The following CSN1S1 variants were observed in gnomAD, a reference collection of about 807,000 sequenced individuals.
CSN1S1 encodes alpha-S1-casein.
In CSN1S1, 63 loss-of-function variants were observed where a neutral mutation model predicts 49.1. That is an observed-to-expected ratio of 1.28 (90% CI 1.05 to 1.58). CSN1S1 has a LOEUF of 1.58. Among genes scored for constraint, CSN1S1 ranks in the 40% most tolerant of loss-of-function variants. The pLI is 0.00. For missense variants in CSN1S1, 260 were observed against 224.7 expected (o/e 1.16, Z -1.01); for synonymous variants, 78 against 67.1 (o/e 1.16, Z -0.79).
chr4:69,942,216 A>C (rs1722992378), intron 13 of CSN1S1, among the ~76,000 whole-genome samples, 153 bp downstream of exon 13: 1 of 151,952 alleles, frequency 6.6e-6, no homozygotes, highest in Non-Finnish European at 1.5e-5. Flanking sequence ...ACAAAAGACA[A>C]AATTTAAATA....
chr4:69,945,009 G>C lies in CSN1S1; in HGVS notation c.557+5G>C. 2.5e-6 allele frequency: 4 copies of C among 1,612,044 alleles called. No individual in the cohort carries two copies. The highest frequency in any genetic ancestry group is 2.2e-5 in the East Asian group (1 of 44,822). ...TAACGTCATGCTACAGTGGTGGTAA[G>C]TTCATTTAAATTACTACATCTTGAT... On this transcript the variant is annotated splice_donor_5th_base_variant and intron_variant, in intron 15 of 15. Transcript: ENST00000246891.
chr4:69,940,775 G>T (rs969252831), intron 11 of CSN1S1, among the ~76,000 whole-genome samples: 1 of 151,722 alleles, frequency 6.6e-6, no homozygotes, highest in South Asian at 2.1e-4. Context: ...AAAATTGGCT[G>T]TACTAATTTA....
chr4:69,931,929 T>G (rs1229940047), intron 1 of CSN1S1, among the ~76,000 whole-genome samples: 1 of 151,900 alleles, frequency 6.6e-6, no homozygotes, highest in African/African-American at 2.4e-5. Context: ...TCTTTATATA[T>G]TTATGTCATG....
At chr4:69,931,641 A>C (rs1722610505) in intron 1 of CSN1S1, among the ~76,000 whole-genome samples, 1 of 151,906 alleles carries the variant, frequency 6.6e-6, no homozygotes, top group Non-Finnish European at 1.5e-5. Flanking sequence ...AGACACAAAT[A>C]GTAAATTTAT....
At chr4:69,938,047 A>G (rs2291531) in intron 9 of CSN1S1, among the ~76,000 whole-genome samples, 1,647 of 151,990 alleles carry the variant, frequency 0.011, 18 homozygotes, top group East Asian at 0.038. Context: ...GTGCTAGATA[A>G]AGTTGAAATT....
chr4:69,935,954 G>C lies in CSN1S1; in HGVS notation c.129+5G>C, dbSNP rs539799242. ...ATACCATTAGAATCAAGAGAGGTAAGAATGACTCCACAGAATTTACCGTGC... is the reference window on the plus strand; with the variant it reads ...ATACCATTAGAATCAAGAGAGGTAACAATGACTCCACAGAATTTACCGTGC... On this transcript the variant is annotated splice_donor_5th_base_variant and intron_variant, in intron 5 of 15. Transcript: ENST00000246891. 1 of 1,539,184 alleles carries C rather than the reference G, an allele frequency of 6.5e-7. No homozygotes were observed. The highest frequency in any genetic ancestry group is 2.4e-5 in the East Asian group (1 of 41,054).
intron 9 of CSN1S1, 91 bp from the exon 10 acceptor site, chr4:69,939,084 TG>T: frequency 1.1e-6 from 1 of 870,528 alleles, no homozygotes; most frequent in Admixed American, 2.1e-5. Context: ...AATGTTACCA[TG>T]GTAAGCATTT....
At position 69,944,988 on chromosome 4, in the gene CSN1S1, G is replaced by A. The variant is rs375053260; in HGVS notation, c.541G>A (p.Val181Ile). Residue 181 changes from valine (V) to isoleucine (I), a missense_variant, in exon 15 of 16, where the codon GTC (valine) becomes ATC (isoleucine). By Grantham distance (29) the Val-to-Ile change is conservative. Transcript: ENST00000246891. The part of the protein sequence containing the change: ...TAHENYEKNN[V>I]MLQW The stretch of plus-strand genomic sequence containing the variant: ...TCATGAAAATTATGAAAAAAATAAC[G>A]TCATGCTACAGTGGTGGTAAGTTCA... 4.8e-5 allele frequency: 78 copies of A among 1,612,480 alleles called. No individual in the cohort carries two copies. The highest frequency in any genetic ancestry group is 6.3e-5 in the Non-Finnish European group (74 of 1,179,056).
chr4:69,940,050 A>G lies in CSN1S1; in HGVS notation c.300+6A>G, dbSNP rs919002585. On this transcript the variant is annotated splice_donor_region_variant and intron_variant, in intron 11 of 15. Coordinates refer to ENST00000246891, the MANE Select transcript of CSN1S1 (RefSeq NM_001890.2). ...TGTCTCTCAGTAAGTGTGCGGTAAGACATATTTGCTAAATTTAAAATATAT... is the reference window on the plus strand; with the variant it reads ...TGTCTCTCAGTAAGTGTGCGGTAAGGCATATTTGCTAAATTTAAAATATAT... 2 of 1,368,290 alleles carry G rather than the reference A, an allele frequency of 1.5e-6. No individual in the cohort carries two copies. Among genetic ancestry groups the G allele is most frequent in the Non-Finnish European group, 2.0e-6 (2 of 1,013,104 alleles). The allele number at this position is 1,368,290 out of a possible 1,614,324, so 84.8% of individuals were successfully genotyped here.
At chr4:69,936,372 T>C in intron 5 of CSN1S1, 84 bp from the exon 6 acceptor site, 1 of 1,004,484 alleles carries the variant, frequency 1.0e-6, no homozygotes. Flanking sequence ...ATCAGCACGA[T>C]GTGAAGTACA....
intron 14 of CSN1S1, among the ~76,000 whole-genome samples, chr4:69,943,548 T>C (rs1423101012): frequency 1.3e-5 from 2 of 151,982 alleles, no homozygotes; most frequent in African/African-American, 4.8e-5. Flanking sequence ...GGGTTTGGAG[T>C]AGCAATAATT....
chr4:69,944,570 T>G (rs1723089711), intron 14 of CSN1S1, among the ~76,000 whole-genome samples: 1 of 151,976 alleles, frequency 6.6e-6, no homozygotes, highest in Non-Finnish European at 1.5e-5. Context: ...TAAGTGGACC[T>G]GTGAGTAATG....
At position 69,944,976 on chromosome 4, in the gene CSN1S1, GA is replaced by G. The variant is rs1723113609; in HGVS notation, c.536del (p.Asn179IlefsTer16). 2 of 1,612,386 alleles carry G rather than the reference GA, an allele frequency of 1.2e-6. No homozygotes were observed. Among genetic ancestry groups the G allele is most frequent in the Non-Finnish European group, 1.7e-6 (2 of 1,179,056 alleles). The part of the protein sequence containing the change: ...ISNPTAHENY[E>X]KNNVMLQW ...CAATCCCACTGCTCATGAAAATTAT[GA>G]AAAAAATAACGTCATGCTACAGTGG... On this transcript the variant is annotated frameshift_variant, in exon 15 of 16. Transcript: ENST00000246891. LOFTEE classifies it high-confidence loss of function.
chr4:69,940,177 CTGGA>C, intron 11 of CSN1S1, 133 bp downstream of exon 11: 2 of 415,722 alleles, frequency 4.8e-6, no homozygotes, highest in Non-Finnish European at 8.5e-6. Context: ...CCAATGCCAT[CTGGA>C]AAGGTGGCAT....
In CSN1S1 at chr4:69,934,706, G is replaced by T. The variant is rs1722715829; in HGVS notation, c.101G>T (p.Ser34Ile). The T allele has an allele frequency of 6.2e-7, 1 of 1,609,668 alleles. No individual in the cohort carries two copies. The highest frequency in any genetic ancestry group is 2.2e-5 in the East Asian group (1 of 44,742). Residue 34 changes from serine (S) to isoleucine (I), a missense_variant, in exon 4 of 16, where the codon AGT (serine) becomes ATT (isoleucine). Ser to Ile is a moderately radical substitution (Grantham distance 142). Coordinates refer to ENST00000246891, the MANE Select transcript of CSN1S1 (RefSeq NM_001890.2). ...TTTTTACAGAATCCATCAGAGAGCA[G>T]TGAGGTAAGCTCTGTTTATGGGGAG... Reference protein sequence around the residue: ...PERLQNPSESSEPIPLESREE... With the variant: ...PERLQNPSESIEPIPLESREE...
chr4:69,939,254 A>T (rs542847021), intron 10 of CSN1S1, 46 bp downstream of exon 10: 1 of 1,432,278 alleles, frequency 7.0e-7, no homozygotes, highest in South Asian at 1.2e-5. Context: ...AATTTAAAAA[A>T]TTATGAAAAC....
intron 11 of CSN1S1, among the ~76,000 whole-genome samples, chr4:69,940,735 C>G (rs1722945618): frequency 6.6e-6 from 1 of 151,734 alleles, no homozygotes; most frequent in Admixed American, 6.6e-5. Flanking sequence ...ACAGTTTTAA[C>G]TTTCTTAATA....
At chr4:69,942,707 C>A in intron 14 of CSN1S1, 130 bp downstream of exon 14, 1 of 690,638 alleles carries the variant, frequency 1.4e-6, no homozygotes, top group Non-Finnish European at 2.5e-6. Context: ...CAACTTAAAT[C>A]TCAGTTCTGA....
intron 7 of CSN1S1, 119 bp downstream of exon 7, chr4:69,936,726 C>G: frequency 1.1e-6 from 1 of 877,162 alleles, no homozygotes; most frequent in Non-Finnish European, 1.7e-6. Flanking sequence ...TTGAACTTTT[C>G]ACTCATACAT....
Sources: allele counts gnomAD v4.1 joint callset (sites outside exome capture counted in the v4.1 genomes callset), GRCh38; gene constraint gnomAD v4.1.1; transcripts MANE v1.5; gene names NCBI Gene and HGNC (gene_info 2026-07-23, HGNC 2026-07-21).